The following GLI2 variants were observed in gnomAD, a reference collection of about 807,000 sequenced individuals.
GLI2 encodes the protein GLI family zinc finger 2, also known as transcription activator GLI2.
Under a neutral mutation model 78.9 loss-of-function variants are expected in GLI2, and 22 were observed. The ratio of observed to expected loss-of-function variants is 0.28; its 90% confidence interval spans 0.20 to 0.40. The LOEUF is 0.40. GLI2 is among the 10% of genes least tolerant of loss of function. The pLI is 1.00. For synonymous variants in GLI2, 974 were observed against 963.7 expected (o/e 1.01, Z -0.20); for missense variants, 2,097 against 2,213.2 (o/e 0.95, Z 1.05).
At position 120,800,606 on chromosome 2, in the gene GLI2, C is replaced by T. The variant is rs113533073; in HGVS notation, c.148+3138C>T. Among the ~76,000 whole-genome samples, 672 of 137,890 alleles carry T rather than the reference C, an allele frequency of 4.9e-3. 10 individuals are homozygous for T. The highest frequency in any genetic ancestry group is 0.016 in the African/African-American group (624 of 40,090). 90.5% of individuals were successfully genotyped at this position (137,890 alleles called of 152,430 possible). A position where few individuals can be genotyped will look rare whatever the true frequency, so the allele number is the denominator to read the frequency against. On this transcript the variant is annotated intron_variant, in intron 2 of 13. Transcript: ENST00000361492. The surrounding 1 kb of genome is among the most constrained non-coding windows in gnomAD (Gnocchi z 4.1). ...CTGCCAGCTCCGCCTCCCAGGTTCA[C>T]GCCATTCTCCTGCCTCAGCCTCCCA...
intron 12 of GLI2, 94 bp downstream of exon 12, chr2:120,984,837 C>T: frequency 7.5e-7 from 1 of 1,330,944 alleles, no homozygotes; most frequent in Non-Finnish European, 1.1e-6. Flanking sequence ...GCCCTAAGGC[C>T]CCCCTCTAGG....
chr2:120,745,363 G>A (rs539298286), intron 1 of GLI2, among the ~76,000 whole-genome samples: 45 of 152,292 alleles, frequency 3.0e-4, no homozygotes, highest in African/African-American at 9.9e-4. Context: ...CCCACACTTA[G>A]GTTTGGTTGA....
chr2:120,930,439 C>T (rs563025588), intron 3 of GLI2, among the ~76,000 whole-genome samples: 3 of 152,366 alleles, frequency 2.0e-5, no homozygotes, highest in South Asian at 2.1e-4. Flanking sequence ...AATCAAGTTC[C>T]AGCCCCCTGA....
chr2:120,875,092 G>T (rs1688668898), intron 2 of GLI2, among the ~76,000 whole-genome samples: 1 of 152,244 alleles, frequency 6.6e-6, no homozygotes, highest in Admixed American at 6.5e-5. Flanking sequence ...GTTCTGTGCT[G>T]GGTAAATGGC....
intron 5 of GLI2, among the ~76,000 whole-genome samples, chr2:120,967,232 TCCAGAAAGTCAAGGACAGGC>T (rs1681901836): frequency 6.6e-6 from 1 of 152,172 alleles, no homozygotes; most frequent in African/African-American, 2.4e-5. Context: ...CATGCAGGTG[TCCAGAAAGTCAAGGACAGGC>T]CCAAGCATTT....
At chr2:120,853,359 C>T (rs1198162904) in intron 2 of GLI2, among the ~76,000 whole-genome samples, 2 of 152,168 alleles carry the variant, frequency 1.3e-5, no homozygotes, top group African/African-American at 4.8e-5. Flanking sequence ...AGGGACTGGG[C>T]CTGGGGAGAG....
At chr2:120,771,722 A>G (rs546721038) in intron 1 of GLI2, among the ~76,000 whole-genome samples, 1 of 152,318 alleles carries the variant, frequency 6.6e-6, no homozygotes, top group Non-Finnish European at 1.5e-5. Flanking sequence ...GTCTGTGACT[A>G]GCAGCATTCA....
At chr2:120,839,002 A>C (rs1477039769) in intron 2 of GLI2, among the ~76,000 whole-genome samples, 2 of 152,196 alleles carry the variant, frequency 1.3e-5, no homozygotes, top group Non-Finnish European at 2.9e-5. Flanking sequence ...TCCAAGGTTG[A>C]GGAACCTGCA....
intron 2 of GLI2, 82 bp downstream of exon 2, chr2:120,797,550 T>C: frequency 7.4e-7 from 1 of 1,360,208 alleles, no homozygotes. Flanking sequence ...TGGTGGCCCA[T>C]GTCGTCAGGG....
chr2:120,963,400 G>A (rs1242997258), intron 5 of GLI2, among the ~76,000 whole-genome samples: 2 of 152,242 alleles, frequency 1.3e-5, no homozygotes. Flanking sequence ...TGACAGGCTT[G>A]ACAGGGACAG....
At chr2:120,891,906 C>T (rs1365617997) in intron 2 of GLI2, among the ~76,000 whole-genome samples, 2 of 152,186 alleles carry the variant, frequency 1.3e-5, no homozygotes, top group African/African-American at 2.4e-5. Context: ...GACCAGCGAC[C>T]CCTCTTTCCA....
intron 2 of GLI2, among the ~76,000 whole-genome samples, chr2:120,882,362 G>A (rs1039774626): frequency 2.6e-5 from 4 of 152,198 alleles, no homozygotes; most frequent in East Asian, 1.9e-4. Context: ...GCTGGAGGGC[G>A]CCCGCTGCAG....
At chr2:120,837,466 C>T (rs1245062181) in intron 2 of GLI2, among the ~76,000 whole-genome samples, 1 of 151,214 alleles carries the variant, frequency 6.6e-6, no homozygotes, top group East Asian at 1.9e-4. Flanking sequence ...CTTCTGTTGG[C>T]CATTATCTTT....
Position 120,980,631 on chromosome 2 carries a change from T to C in GLI2, c.1467+2048T>C, listed in dbSNP as rs560143609. Among the ~76,000 whole-genome samples, 11 of 152,354 alleles carry C rather than the reference T, an allele frequency of 7.2e-5. No individual in the cohort carries two copies. In the East Asian group the frequency reaches 1.9e-3, roughly 27 times the overall value. On this transcript the variant is annotated intron_variant, in intron 10 of 13. Coordinates refer to ENST00000361492, the MANE Select transcript of GLI2 (RefSeq NM_001374353.1). ...CTTTTAGAGCACAAAGTTCTTAATT[T>C]TGAGGCTGTACAATTTTTTAATTGC...
chr2:120,948,712 C>T (rs1221115759), intron 3 of GLI2, among the ~76,000 whole-genome samples: 5 of 152,180 alleles, frequency 3.3e-5, no homozygotes, highest in Non-Finnish European at 5.9e-5. Flanking sequence ...CAATGGCTAT[C>T]GCAGGGGGCC....
rs145178544 is a variant in GLI2, at chr2:120,738,599, C to T, written c.-31+2314C>T. The stretch of plus-strand genomic sequence containing the variant: ...GGTATCCCTCAGGTGAACCAGCCTT[C>T]AGTTGGGCTAGCATCTGAGTGAGAG... On this transcript the variant is annotated intron_variant, in intron 1 of 13. Coordinates refer to ENST00000361492, the MANE Select transcript of GLI2 (RefSeq NM_001374353.1). 2.5e-3 allele frequency among the ~76,000 whole-genome samples: 388 copies of T among 152,284 alleles called. 2 individuals are homozygous for T. Among genetic ancestry groups the T allele is most frequent in the African/African-American group, 8.8e-3 (364 of 41,548 alleles).
chr2:120,848,372 C>G (rs769158240), intron 2 of GLI2, among the ~76,000 whole-genome samples: 2 of 152,168 alleles, frequency 1.3e-5, no homozygotes, highest in Non-Finnish European at 2.9e-5. Flanking sequence ...ACCAGGAGAC[C>G]GGCGAGCAGA....
At position 120,819,677 on chromosome 2, in the gene GLI2, T is replaced by C. The variant is rs1442007615; in HGVS notation, c.148+22209T>C. On this transcript the variant is annotated intron_variant, in intron 2 of 13. Coordinates refer to ENST00000361492, the MANE Select transcript of GLI2 (RefSeq NM_001374353.1). ...CAAGAACCAGAAATCTGAAGGACTT[T>C]GCCACAGGCAGTTTATTCATCTGCT... is the stretch of plus-strand genomic sequence containing the variant. Among the ~76,000 whole-genome samples, 3 of 152,332 alleles carry C rather than the reference T, an allele frequency of 2.0e-5. No homozygotes were observed. In the South Asian group the frequency reaches 6.2e-4, roughly 32 times the overall value.
chr2:120,794,466 C>T (rs1684291871), intron 1 of GLI2, among the ~76,000 whole-genome samples: 1 of 152,100 alleles, frequency 6.6e-6, no homozygotes, highest in African/African-American at 2.4e-5. Flanking sequence ...AGATGCCTGG[C>T]TGAAGCACAG....
Sources: gnomAD v4.1 joint callset for allele counts (sites outside exome capture counted in the v4.1 genomes callset) on GRCh38, gnomAD v4.1.1 for gene constraint, Gnocchi (gnomAD v3.1) non-coding constraint, MANE v1.5 for transcripts, NCBI Gene and HGNC (gene_info 2026-07-23, HGNC 2026-07-21) for gene names.